The following ZBBX variants were observed in gnomAD, a reference collection of about 807,000 sequenced individuals.
ZBBX encodes the protein zinc finger B-box domain containing, also known as zinc finger B-box domain-containing protein 1.
A neutral mutation model predicts 108.5 loss-of-function variants in ZBBX; 101 were observed. The ratio of observed to expected loss-of-function variants is 0.93; its 90% confidence interval spans 0.79 to 1.10. ZBBX has a LOEUF of 1.10. ZBBX is among the 50% of genes least tolerant of loss of function. The pLI, the probability that ZBBX is intolerant of heterozygous loss-of-function variation, is 0.00. For missense variants in ZBBX, 1,009 were observed against 941.4 expected, an observed-to-expected ratio of 1.07 and a Z score of -0.94; for synonymous variants, 356 against 323.4, an observed-to-expected ratio of 1.10 and a Z score of -1.08.
Position 167,359,929 on chromosome 3 carries a change from C to T in ZBBX, c.373G>A (p.Glu125Lys). The change falls in exon 8 of 22, where the codon GAA (glutamate) becomes AAA (lysine). Residue 125 changes from glutamate to lysine, a missense_variant. Physicochemically the swap from Glu to Lys is moderately conservative, Grantham distance 56. Transcript: ENST00000675490. ...NYKMANSSECEKPKINGKVCG... is the reference protein window; with the variant it reads ...NYKMANSSECKKPKINGKVCG... ...ACTTTCCCATTTATCTTGGGTTTTT[C>T]ACATTCTGAAGAATTTGCCATTTTA... The T allele has an allele frequency of 6.3e-7, 1 of 1,589,690 alleles. No homozygotes were observed. Among genetic ancestry groups the T allele is most frequent in the Non-Finnish European group, 8.6e-7 (1 of 1,166,632 alleles).
intron 14 of ZBBX, among the ~76,000 whole-genome samples, chr3:167,316,606 A>T (rs905313954): frequency 3.9e-5 from 6 of 152,206 alleles, no homozygotes; most frequent in African/African-American, 1.4e-4. Context: ...AAATAATATT[A>T]AATGACATTC....
intron 5 of ZBBX, 155 bp downstream of exon 5, chr3:167,368,306 C>CA: frequency 1.8e-6 from 1 of 565,490 alleles, no homozygotes; most frequent in Non-Finnish European, 3.0e-6. Flanking sequence ...GGCACAAAAA[C>CA]AAAAAATAGA....
intron 10 of ZBBX, among the ~76,000 whole-genome samples, chr3:167,332,456 C>G (rs994066932): frequency 3.3e-5 from 5 of 152,090 alleles, no homozygotes; most frequent in Non-Finnish European, 5.9e-5. Context: ...ATACAGCATG[C>G]ATAGTTACCT....
intron 20 of ZBBX, among the ~76,000 whole-genome samples, chr3:167,258,873 C>T (rs1723976725): frequency 6.6e-6 from 1 of 152,074 alleles, no homozygotes; most frequent in Admixed American, 6.5e-5. Flanking sequence ...ATTTGATTAG[C>T]TAGTATTTTG....
At chr3:167,284,468 T>G (rs1056369426) in intron 19 of ZBBX, among the ~76,000 whole-genome samples, 1 of 151,992 alleles carries the variant, frequency 6.6e-6, no homozygotes, top group African/African-American at 2.4e-5. Context: ...AAGGTAAAAT[T>G]TAAAGGAATT....
At chr3:167,392,569 T>C (rs1748108978) in intron 1 of ZBBX, among the ~76,000 whole-genome samples, 1 of 151,828 alleles carries the variant, frequency 6.6e-6, no homozygotes, top group Non-Finnish European at 1.5e-5. Context: ...TTAATAAGCA[T>C]GATCTGAAAG....
chr3:167,230,269 C>A, the ZBBX span, among the ~76,000 whole-genome samples: 1 of 151,760 alleles, frequency 6.6e-6, no homozygotes. Flanking sequence ...CTCTCTAAAT[C>A]TTTGCAAAGA....
chr3:167,216,517 G>A, the ZBBX span, among the ~76,000 whole-genome samples: 4 of 152,216 alleles, frequency 2.6e-5, no homozygotes, highest in Admixed American at 6.5e-5. Flanking sequence ...TTGATAGGAA[G>A]AATCAATGGT....
intron 8 of ZBBX, among the ~76,000 whole-genome samples, 165 bp from the exon 9 acceptor site, chr3:167,350,680 A>C (rs898780660): frequency 6.6e-6 from 1 of 151,488 alleles, no homozygotes; most frequent in African/African-American, 2.4e-5. Flanking sequence ...TAGTCCCTTA[A>C]CTGGGACTAG....
intron 17 of ZBBX, among the ~76,000 whole-genome samples, chr3:167,302,188 TTGAG>T (rs1418933294): frequency 6.6e-6 from 1 of 152,138 alleles, no homozygotes; most frequent in East Asian, 1.9e-4. Context: ...TCTCTAATTA[TTGAG>T]TATGTGGTTC....
At chr3:167,340,537 T>C (rs989049693) in intron 9 of ZBBX, among the ~76,000 whole-genome samples, 4 of 152,122 alleles carry the variant, frequency 2.6e-5, no homozygotes, top group African/African-American at 9.6e-5. Context: ...AAGCAAACTA[T>C]TATTTTACCT....
chr3:167,240,945 C>G, intron 21 of ZBBX, 26 bp from the exon 22 acceptor site: 1 of 1,609,298 alleles, frequency 6.2e-7, no homozygotes, highest in South Asian at 1.1e-5. Flanking sequence ...AAGATCAATA[C>G]ACAATATACA....
chr3:167,340,956 G>A (rs1393219427), intron 9 of ZBBX, among the ~76,000 whole-genome samples: 1 of 151,842 alleles, frequency 6.6e-6, no homozygotes, highest in East Asian at 1.9e-4. Flanking sequence ...AACAGATATG[G>A]TATTTGCAAG....
intron 10 of ZBBX, among the ~76,000 whole-genome samples, chr3:167,331,851 C>T (rs1577021442): frequency 6.6e-6 from 1 of 152,084 alleles, no homozygotes; most frequent in Admixed American, 6.6e-5. Context: ...TATTACAATG[C>T]TATAAGAAAA....
intron 19 of ZBBX, 78 bp downstream of exon 19, chr3:167,288,789 T>TACTA: frequency 1.2e-6 from 1 of 809,644 alleles, no homozygotes; most frequent in Non-Finnish European, 1.8e-6. Flanking sequence ...TGCAGGTGCC[T>TACTA]ACTAAACTGC....
At chr3:167,180,120 A>G in the ZBBX span, among the ~76,000 whole-genome samples, 2 of 152,336 alleles carry the variant, frequency 1.3e-5, no homozygotes, top group South Asian at 2.1e-4. Context: ...CAACACCAGT[A>G]GGTGAATGCT....
intron 11 of ZBBX, among the ~76,000 whole-genome samples, chr3:167,324,474 T>G (rs1433648352): frequency 5.9e-5 from 9 of 152,034 alleles, no homozygotes; most frequent in Admixed American, 5.9e-4. Context: ...TCTGAGGACT[T>G]CATAAAAAAC....
In ZBBX at chr3:167,333,957, A is replaced by C; in HGVS notation, c.557T>G (p.Leu186Trp). The C allele has an allele frequency of 6.3e-7, 1 of 1,588,422 alleles. No homozygotes were observed. Among genetic ancestry groups the C allele is most frequent in the South Asian group, 1.2e-5 (1 of 86,212 alleles). The change falls in exon 10 of 22, where the codon TTG becomes TGG. Residue 186 changes from leucine (L) to tryptophan (W), a missense_variant. Leu to Trp is a moderately conservative substitution (Grantham distance 61). Transcript: ENST00000675490. ...QAKSQILFNV[L>W]DVAHQFIKDV... The stretch of plus-strand genomic sequence containing the variant: ...CTTTATAAACTGATGGGCAACATCC[A>C]ATACATTGAATAATATTTGAGATTT...
At chr3:167,310,872 C>T (rs1053162574) in intron 16 of ZBBX, among the ~76,000 whole-genome samples, 16 of 152,156 alleles carry the variant, frequency 1.1e-4, no homozygotes, top group African/African-American at 2.4e-4. Flanking sequence ...GAGAAATATT[C>T]TATGTTCATG....
Sources: allele counts gnomAD v4.1 joint callset (sites outside exome capture counted in the v4.1 genomes callset), GRCh38; gene constraint gnomAD v4.1.1; transcripts MANE v1.5; gene names NCBI Gene and HGNC (gene_info 2026-07-23, HGNC 2026-07-21).